The following UBE4B variants were observed in gnomAD, a reference collection of about 807,000 sequenced individuals.
UBE4B encodes ubiquitin conjugation factor E4 B.
A neutral mutation model predicts 148.1 loss-of-function variants in UBE4B; 27 were observed. That is an observed-to-expected ratio of 0.18 (90% CI 0.13 to 0.25). The LOEUF is 0.25. Among genes scored for constraint, UBE4B ranks in the 10% least tolerant of loss-of-function variants. UBE4B has a pLI of 1.00. For missense variants in UBE4B, 1,170 were observed against 1,662.4 expected, an observed-to-expected ratio of 0.70 and a Z score of 5.15; for synonymous variants, 596 against 619.3, an observed-to-expected ratio of 0.96 and a Z score of 0.56.
intron 1 of UBE4B, among the ~76,000 whole-genome samples, chr1:10,071,532 G>A (rs1644484270): frequency 6.6e-6 from 1 of 152,180 alleles, no homozygotes; most frequent in Admixed American, 6.5e-5. Flanking sequence ...AGGCTGCAGT[G>A]AGCTATGATT....
intron 1 of UBE4B, among the ~76,000 whole-genome samples, chr1:10,063,141 G>T (rs946451731): frequency 2.0e-5 from 3 of 152,240 alleles, no homozygotes; most frequent in Non-Finnish European, 4.4e-5. Flanking sequence ...GGTGGCGCAT[G>T]CCTGTAGTCC....
rs576302243 is a variant in UBE4B at position 10,060,916 on chromosome 1, A to T, written c.25-11112A>T. Among the ~76,000 whole-genome samples, 3 of 151,396 alleles carry T rather than the reference A, an allele frequency of 2.0e-5. No individual in the cohort carries two copies. The South Asian group carries it at 6.3e-4, about 32-fold the overall frequency. ...GTGCCACCATGCCCAGCTAATTTTTAAAATTTTTTTGTAGAGAAGTCATCT... is the reference window on the plus strand; with the variant it reads ...GTGCCACCATGCCCAGCTAATTTTTTAAATTTTTTTGTAGAGAAGTCATCT... On this transcript the variant is annotated intron_variant, in intron 1 of 27. Transcript: ENST00000343090.
chr1:10,152,788 A>G (rs1444477457), intron 21 of UBE4B, among the ~76,000 whole-genome samples: 2 of 151,524 alleles, frequency 1.3e-5, no homozygotes, highest in African/African-American at 4.9e-5. Flanking sequence ...AAAGGGCAAG[A>G]CTCCGTCTCA....
chr1:10,087,678 T>C (rs2101859803), intron 2 of UBE4B, among the ~76,000 whole-genome samples: 1 of 152,338 alleles, frequency 6.6e-6, no homozygotes. Flanking sequence ...GGGTATATAA[T>C]ATCCACATGA....
At chr1:10,101,228 A>G in intron 4 of UBE4B, 33 bp downstream of exon 4, 1 of 1,600,942 alleles carries the variant, frequency 6.2e-7, no homozygotes, top group South Asian at 1.1e-5. Context: ...GGTACAGGTA[A>G]TAGAAATAAA....
intron 7 of UBE4B, among the ~76,000 whole-genome samples, chr1:10,107,910 T>G (rs1645144468): frequency 6.6e-6 from 1 of 152,170 alleles, no homozygotes; most frequent in African/African-American, 2.4e-5. Context: ...CTGGCAAGTT[T>G]GGAGGAAAAC....
chr1:10,116,390 G>A (rs1645310015), intron 7 of UBE4B, among the ~76,000 whole-genome samples: 1 of 152,096 alleles, frequency 6.6e-6, no homozygotes, highest in Non-Finnish European at 1.5e-5. Context: ...TGATCCACCT[G>A]CCTTGGTGTA....
intron 7 of UBE4B, among the ~76,000 whole-genome samples, chr1:10,115,603 G>A (rs568324746): frequency 6.6e-6 from 1 of 152,276 alleles, no homozygotes; most frequent in African/African-American, 2.4e-5. Flanking sequence ...GGTCAATTAT[G>A]TGTAGTTTTC....
At chr1:10,159,556 G>A (rs546144422) in intron 22 of UBE4B, among the ~76,000 whole-genome samples, 1 of 152,228 alleles carries the variant, frequency 6.6e-6, no homozygotes, top group Non-Finnish European at 1.5e-5. Flanking sequence ...GCGGTGGCGG[G>A]CGCCTGTAGT....
Position 10,132,341 on chromosome 1 carries a change from G to C in UBE4B, c.1912-28G>C, listed in dbSNP as rs200601774. On this transcript the variant is annotated intron_variant, in intron 14 of 27. Transcript: ENST00000343090. Reference sequence around the variant, plus strand: ...ATCATGTGCAAAATAGTTTTAATTTGTTTCTTCTTTTTAAAAATAAATTTC... The same window carrying C: ...ATCATGTGCAAAATAGTTTTAATTTCTTTCTTCTTTTTAAAAATAAATTTC... The C allele has an allele frequency of 3.3e-5, 52 of 1,579,956 alleles. No individual in the cohort carries two copies. In the East Asian group the frequency reaches 1.1e-3, roughly 34 times the overall value.
chr1:10,164,144 CA>C (rs1268073118), intron 23 of UBE4B, among the ~76,000 whole-genome samples: 1 of 151,960 alleles, frequency 6.6e-6, no homozygotes, highest in Non-Finnish European at 1.5e-5. Context: ...AGTTTGAGAC[CA>C]GCCTGGCCAA....
At chr1:10,067,736 TG>T (rs1230953987) in intron 1 of UBE4B, among the ~76,000 whole-genome samples, 1 of 151,966 alleles carries the variant, frequency 6.6e-6, no homozygotes, top group Non-Finnish European at 1.5e-5. Context: ...TATTTGTTGT[TG>T]TTGTTGTTGA....
intron 19 of UBE4B, 100 bp downstream of exon 19, chr1:10,147,190 T>G: frequency 1.3e-6 from 2 of 1,553,360 alleles, no homozygotes; most frequent in South Asian, 2.3e-5. Context: ...ACCCTTTCTT[T>G]ATCAAGAATT....
chr1:10,129,128 CA>C, intron 11 of UBE4B: 1 of 408,952 alleles, frequency 2.4e-6, no homozygotes, highest in South Asian at 5.2e-5. Flanking sequence ...CTCAAAATAT[CA>C]ATAGAGGTTA....
In UBE4B at chr1:10,181,126, G is replaced by A. The variant is rs1313741204; in HGVS notation, c.*1170G>A. 6.6e-6 allele frequency: 1 copy of A among 151,486 alleles called. No individual in the cohort carries two copies. The highest frequency in any genetic ancestry group is 1.9e-4 in the East Asian group (1 of 5,188). The allele number at this position is 151,486 out of a possible 1,614,324, so 9.4% of individuals were successfully genotyped here. On this transcript the variant is annotated 3_prime_UTR_variant, in exon 28 of 28. Coordinates refer to ENST00000343090, the MANE Select transcript of UBE4B (RefSeq NM_001105562.3). ...CCATAAAGTGTTCTGAAGAAATTAA[G>A]TCTATAAAAAGCATACTTTCTTTTT...
At chr1:10,079,207 C>T (rs150494373) in intron 2 of UBE4B, among the ~76,000 whole-genome samples, 1,987 of 152,202 alleles carry the variant, frequency 0.013, 38 homozygotes, top group African/African-American at 0.045. Flanking sequence ...GATGGAGTCC[C>T]GCTCTGTCGC....
intron 25 of UBE4B, among the ~76,000 whole-genome samples, chr1:10,173,836 C>T (rs920626245): frequency 1.3e-5 from 2 of 152,224 alleles, no homozygotes; most frequent in African/African-American, 2.4e-5. Flanking sequence ...GTGGGCACAG[C>T]ACGCCCAGTG....
intron 17 of UBE4B, 144 bp downstream of exon 17, chr1:10,137,349 C>A (rs1015185544): frequency 1.9e-6 from 2 of 1,047,496 alleles, no homozygotes; most frequent in African/African-American, 3.1e-5. Context: ...ACCGCCACAT[C>A]CATGTTGCTC....
In UBE4B at chr1:10,074,541, C is replaced by T. The variant is rs567131372; in HGVS notation, c.211+2327C>T. Among the ~76,000 whole-genome samples, 11 of 152,280 alleles carry T rather than the reference C, an allele frequency of 7.2e-5. No homozygotes were observed. In the South Asian group the frequency reaches 2.3e-3, roughly 32 times the overall value. ...GCCCTTGCACTCTTTGCTGAATCAA[C>T]TGCAGTCAGGCGAGGGTTCCCGTGG... On this transcript the variant is annotated intron_variant, in intron 2 of 27. Coordinates refer to ENST00000343090, the MANE Select transcript of UBE4B (RefSeq NM_001105562.3).
Sources: allele counts gnomAD v4.1 joint callset (sites outside exome capture counted in the v4.1 genomes callset), GRCh38; gene constraint gnomAD v4.1.1; transcripts MANE v1.5; gene names NCBI Gene and HGNC (gene_info 2026-07-23, HGNC 2026-07-21).